The following LDLRAD4 variants were observed in gnomAD, a reference collection of about 807,000 sequenced individuals.
LDLRAD4 encodes the protein low density lipoprotein receptor class A domain containing 4.
Under a neutral mutation model 17.0 loss-of-function variants are expected in LDLRAD4, and 5 were observed. The observed-to-expected ratio is 0.29, with a 90% CI of 0.15 to 0.62. LDLRAD4 has a LOEUF of 0.62. Ranked by LOEUF, LDLRAD4 falls within the 20% of genes least tolerant of loss-of-function variation. The pLI is 0.84. For missense variants in LDLRAD4, 340 were observed against 424.7 expected (o/e 0.80, Z 1.75); for synonymous variants, 168 against 171.8 (o/e 0.98, Z 0.17).
At chr18:13,359,362 C>T (rs1353034947) in intron 1 of LDLRAD4, among the ~76,000 whole-genome samples, 1 of 152,116 alleles carries the variant, frequency 6.6e-6, no homozygotes, top group Non-Finnish European at 1.5e-5. Context: ...TTGAAATGAT[C>T]AGTCTGGGGC....
At position 13,423,448 on chromosome 18, in the gene LDLRAD4, G is replaced by A. The variant is rs553996148; in HGVS notation, c.41-14796G>A. On this transcript the variant is annotated intron_variant, in intron 2 of 5. Transcript: ENST00000359446. ...GCAGAGGTTGCAGTAAACCAAGATTGCGCCATTGCACTCCAACCTGGGTGA... is the reference window on the plus strand; with the variant it reads ...GCAGAGGTTGCAGTAAACCAAGATTACGCCATTGCACTCCAACCTGGGTGA... 8.6e-5 allele frequency: 13 copies of A among 151,682 alleles called. No homozygotes were observed. In the East Asian group the frequency reaches 1.9e-3, roughly 23 times the overall value. 9.4% of individuals were successfully genotyped at this position (151,682 alleles called of 1,614,324 possible).
chr18:13,578,803 G>GACCCATTTAAA (rs2094811477), intron 3 of LDLRAD4, among the ~76,000 whole-genome samples: 1 of 119,936 alleles, frequency 8.3e-6, no homozygotes, highest in African/African-American at 3.0e-5. Flanking sequence ...AAAGTACAGT[G>GACCCATTTAAA]ACCCATTTAA....
rs141613192 is a variant in LDLRAD4, at chr18:13,233,231, C to T, written c.-467+14243C>T. On this transcript the variant is annotated intron_variant, in intron 1 of 5. Transcript: ENST00000399848. ...GCCGCTAAGAAGGCAAATGCCATGC[C>T]GTTCAGATACGTTCTCTGCTACTGG... Among the ~76,000 whole-genome samples the T allele has an allele frequency of 3.6e-3, 550 of 152,350 alleles. 6 individuals are homozygous for T. Among genetic ancestry groups the T allele is most frequent in the African/African-American group, 0.011 (470 of 41,570 alleles).
At chr18:13,391,491 ACTT>A (rs2086272437) in intron 2 of LDLRAD4, among the ~76,000 whole-genome samples, 1 of 152,118 alleles carries the variant, frequency 6.6e-6, no homozygotes, top group African/African-American at 2.4e-5. Context: ...TGCGTATTTA[ACTT>A]CTTAATTATG....
chr18:13,344,663 T>C (rs2082576535), intron 1 of LDLRAD4, among the ~76,000 whole-genome samples: 1 of 152,234 alleles, frequency 6.6e-6, no homozygotes, highest in Non-Finnish European at 1.5e-5. Flanking sequence ...ATCTCTAAAT[T>C]ACCTTGGGCA....
intron 3 of LDLRAD4, chr18:13,515,773 A>G (rs2093855802): frequency 6.6e-6 from 1 of 151,848 alleles, no homozygotes; most frequent in East Asian, 1.9e-4. Context: ...TTTATGGGGA[A>G]TTTCTTAAGC....
chr18:13,592,147 G>T lies in LDLRAD4; in HGVS notation c.182-28970G>T, dbSNP rs185464169. On this transcript the variant is annotated intron_variant, in intron 3 of 5. Coordinates refer to ENST00000359446, the Ensembl canonical transcript of LDLRAD4. ...GAATTGAGTTTTGTGGAAGAAGGTGGTTTTACCTTGTTGAATAGGAAGGAA... is the reference window on the plus strand; with the variant it reads ...GAATTGAGTTTTGTGGAAGAAGGTGTTTTTACCTTGTTGAATAGGAAGGAA... Among the ~76,000 whole-genome samples the T allele has an allele frequency of 2.2e-3, 342 of 152,322 alleles. 1 individual carries two copies. Among genetic ancestry groups the T allele is most frequent in the African/African-American group, 7.8e-3 (325 of 41,574 alleles).
intron 2 of LDLRAD4, among the ~76,000 whole-genome samples, chr18:13,407,424 C>T (rs550264318): frequency 5.0e-4 from 76 of 152,324 alleles, no homozygotes; most frequent in African/African-American, 1.6e-3. Context: ...ATGTTAGCAC[C>T]GCAGTTGGAG....
At chr18:13,569,921 G>A (rs948274) in intron 3 of LDLRAD4, among the ~76,000 whole-genome samples, 1 of 151,936 alleles carries the variant, frequency 6.6e-6, no homozygotes, top group East Asian at 1.9e-4. Context: ...AATAAATTGC[G>A]CTTGGAAGAA....
intron 1 of LDLRAD4, among the ~76,000 whole-genome samples, chr18:13,236,670 G>A (rs932724741): frequency 1.2e-4 from 19 of 152,234 alleles, no homozygotes; most frequent in Admixed American, 3.9e-4. Context: ...GGGTGCTGGC[G>A]TTGCCTGTGT....
intron 3 of LDLRAD4, among the ~76,000 whole-genome samples, chr18:13,544,612 C>CA (rs765196661): frequency 1.3e-5 from 2 of 152,186 alleles, no homozygotes; most frequent in East Asian, 3.8e-4. Context: ...GTGTGGGAGA[C>CA]AGAGCTCTCG....
At chr18:13,600,437 C>T (rs980788990) in intron 3 of LDLRAD4, among the ~76,000 whole-genome samples, 3 of 152,200 alleles carry the variant, frequency 2.0e-5, no homozygotes, top group Non-Finnish European at 2.9e-5. Context: ...GCTAGCAGGA[C>T]AGGTGGCACT....
chr18:13,406,422 AT>A (rs2087757622), intron 2 of LDLRAD4, among the ~76,000 whole-genome samples: 1 of 152,080 alleles, frequency 6.6e-6, no homozygotes, highest in Non-Finnish European at 1.5e-5. Context: ...CTCCCTGGGC[AT>A]TTTCTTTGTT....
chr18:13,565,962 GCTC>G (rs1206899976), intron 3 of LDLRAD4, among the ~76,000 whole-genome samples: 1 of 152,234 alleles, frequency 6.6e-6, no homozygotes, highest in Non-Finnish European at 1.5e-5. Flanking sequence ...CCGAGCTGCT[GCTC>G]CAAGGCACGC....
At chr18:13,478,678 T>C (rs781716914) in intron 3 of LDLRAD4, among the ~76,000 whole-genome samples, 1 of 152,232 alleles carries the variant, frequency 6.6e-6, no homozygotes, top group Non-Finnish European at 1.5e-5. Context: ...GAAGACTTAA[T>C]ATAGTCAAGA....
chr18:13,547,495 C>T (rs1267100879), intron 3 of LDLRAD4, among the ~76,000 whole-genome samples: 5 of 152,184 alleles, frequency 3.3e-5, no homozygotes, highest in Non-Finnish European at 5.9e-5. Flanking sequence ...TCTGCCCACT[C>T]GACCTGGCAG....
Position 13,645,059 on chromosome 18 carries a change from G to C in LDLRAD4, c.391-68G>C. The C allele has an allele frequency of 7.5e-7, 1 of 1,333,314 alleles. No individual in the cohort carries two copies. Among genetic ancestry groups the C allele is most frequent in the Non-Finnish European group, 1.0e-6 (1 of 970,870 alleles). The allele number at this position is 1,333,314 out of a possible 1,614,324, so 82.6% of individuals were successfully genotyped here. A position where few individuals can be genotyped will look rare whatever the true frequency, so the allele number is the denominator to read the frequency against. ...ACACACACCAAGCGTAACTTTCCTTGATTCTGACACATTTATGGTCATCAT... is the reference window on the plus strand; with the variant it reads ...ACACACACCAAGCGTAACTTTCCTTCATTCTGACACATTTATGGTCATCAT... On this transcript the variant is annotated intron_variant, in intron 5 of 5. Transcript: ENST00000359446. The surrounding 1 kb of genome is among the most constrained non-coding windows in gnomAD (Gnocchi z 5.7).
At chr18:13,407,636 C>G (rs891232947) in intron 2 of LDLRAD4, among the ~76,000 whole-genome samples, 1 of 152,232 alleles carries the variant, frequency 6.6e-6, no homozygotes, top group African/African-American at 2.4e-5. Flanking sequence ...CCCTTGGGAG[C>G]AGATGGCCAT....
chr18:13,315,178 G>A (rs1463415268), intron 1 of LDLRAD4, among the ~76,000 whole-genome samples: 1 of 152,172 alleles, frequency 6.6e-6, no homozygotes, highest in Non-Finnish European at 1.5e-5. Flanking sequence ...CCGGGACTCA[G>A]CCTTGAACCC....
Sources: allele counts gnomAD v4.1 joint callset (sites outside exome capture counted in the v4.1 genomes callset), GRCh38; gene constraint gnomAD v4.1.1; non-coding constraint Gnocchi (gnomAD v3.1); transcripts MANE v1.5; gene names NCBI Gene and HGNC (gene_info 2026-07-23, HGNC 2026-07-21).